The following FHOD3 variants were observed in gnomAD, a reference collection of about 807,000 sequenced individuals.
FHOD3 encodes FH1/FH2 domain-containing protein 3.
In FHOD3, 90 loss-of-function variants were observed where a neutral mutation model predicts 173.0. The observed-to-expected ratio is 0.52, with a 90% CI of 0.44 to 0.62. FHOD3 has a LOEUF of 0.62. FHOD3 is among the 20% of genes least tolerant of loss of function. FHOD3 has a pLI of 0.00. For synonymous variants in FHOD3, 828 were observed against 823.0 expected, an observed-to-expected ratio of 1.01 and a Z score of -0.10; for missense variants, 1,945 against 2,034.7, an observed-to-expected ratio of 0.96 and a Z score of 0.85.
At chr18:36,308,666 G>A (rs543558717) in intron 1 of FHOD3, among the ~76,000 whole-genome samples, 5 of 152,222 alleles carry the variant, frequency 3.3e-5, no homozygotes, top group Admixed American at 6.5e-5. Context: ...CTGTGGCTGC[G>A]TCCCTCCACC....
At chr18:36,533,763 C>T (rs1012670115) in intron 5 of FHOD3, among the ~76,000 whole-genome samples, 1 of 152,082 alleles carries the variant, frequency 6.6e-6, no homozygotes, top group African/African-American at 2.4e-5. Flanking sequence ...GGTAAGAAAA[C>T]CTGATGAAAG....
intron 10 of FHOD3, among the ~76,000 whole-genome samples, chr18:36,630,312 A>AG (rs369283031): frequency 3.3e-5 from 5 of 152,358 alleles, no homozygotes; most frequent in African/African-American, 1.2e-4. Context: ...TAAATGAGAT[A>AG]TGAATTGTCT....
intron 24 of FHOD3, among the ~76,000 whole-genome samples, chr18:36,753,770 C>A (rs977710347): frequency 6.6e-6 from 1 of 152,206 alleles, no homozygotes; most frequent in African/African-American, 2.4e-5. Context: ...TATGTGGTGT[C>A]TCCTTGTGGT....
intron 1 of FHOD3, among the ~76,000 whole-genome samples, chr18:36,353,269 C>A (rs1404569851): frequency 3.9e-5 from 6 of 152,148 alleles, no homozygotes; most frequent in Non-Finnish European, 5.9e-5. Flanking sequence ...ATAGGATTAA[C>A]CCCTTCAAAT....
At chr18:36,759,051 G>T in intron 25 of FHOD3, 67 bp from the exon 26 acceptor site, 1 of 1,503,396 alleles carries the variant, frequency 6.7e-7, no homozygotes, top group South Asian at 1.2e-5. Context: ...TCTTTTTGCT[G>T]ACTTCTGTGC....
intron 17 of FHOD3, 81 bp from the exon 18 acceptor site, chr18:36,709,014 C>G (rs1270856126): frequency 3.3e-6 from 5 of 1,514,068 alleles, no homozygotes; most frequent in Non-Finnish European, 4.5e-6. Context: ...ACAGAGAAAT[C>G]AACCTCACAT....
At chr18:36,518,484 C>T (rs538751690) in intron 5 of FHOD3, among the ~76,000 whole-genome samples, 84 of 152,262 alleles carry the variant, frequency 5.5e-4, no homozygotes, top group African/African-American at 1.9e-3. Context: ...GGAGTCCTTC[C>T]TCATTTGATG....
chr18:36,462,433 G>C (rs140726417), intron 3 of FHOD3, among the ~76,000 whole-genome samples: 1 of 151,974 alleles, frequency 6.6e-6, no homozygotes, highest in Non-Finnish European at 1.5e-5. Context: ...CTGGGTTCAC[G>C]CCATTCTTCT....
At chr18:36,704,695 T>A (rs958401220) in intron 17 of FHOD3, among the ~76,000 whole-genome samples, 9 of 152,146 alleles carry the variant, frequency 5.9e-5, no homozygotes, top group Admixed American at 5.9e-4. Flanking sequence ...TCTCCTGGCC[T>A]CAGCTTTCTG....
chr18:36,725,484 G>A (rs1218949536), intron 19 of FHOD3, among the ~76,000 whole-genome samples: 1 of 152,182 alleles, frequency 6.6e-6, no homozygotes, highest in African/African-American at 2.4e-5. Flanking sequence ...CAGGGACTGG[G>A]CTTGTTTCTC....
chr18:36,517,787 A>G (rs951624668), intron 5 of FHOD3, among the ~76,000 whole-genome samples: 49 of 152,378 alleles, frequency 3.2e-4, no homozygotes, highest in African/African-American at 1.2e-3. Flanking sequence ...GGTTGTCAGC[A>G]TTTAAAAATT....
At position 36,367,165 on chromosome 18, in the gene FHOD3, G is replaced by A. The variant is rs150114527; in HGVS notation, c.273-5515G>A. Among the ~76,000 whole-genome samples the A allele has an allele frequency of 6.6e-3, 1,005 of 152,320 alleles. 13 individuals are homozygous for A. The highest frequency in any genetic ancestry group is 0.023 in the African/African-American group (963 of 41,568). The stretch of plus-strand genomic sequence containing the variant: ...GGCCACTGATATTACTGTAACAGAA[G>A]TCTGTGTATTCTGAGAAGGCAGGAT... On this transcript the variant is annotated intron_variant, in intron 2 of 28. Transcript: ENST00000590592.
At chr18:36,518,637 A>C (rs559281154) in intron 5 of FHOD3, among the ~76,000 whole-genome samples, 7 of 152,328 alleles carry the variant, frequency 4.6e-5, no homozygotes, top group African/African-American at 1.4e-4. Context: ...ATTGTGAATT[A>C]TGAACATTTA....
At chr18:36,761,512 C>T (rs565846746) in intron 27 of FHOD3, among the ~76,000 whole-genome samples, 2 of 152,294 alleles carry the variant, frequency 1.3e-5, no homozygotes, top group African/African-American at 4.8e-5. Context: ...CCTGTCCTAT[C>T]TCCCAAGCTT....
intron 3 of FHOD3, among the ~76,000 whole-genome samples, chr18:36,422,008 A>G: frequency 6.6e-6 from 1 of 152,220 alleles, no homozygotes. Context: ...ATTAAACTCC[A>G]TATTTAATTT....
intron 15 of FHOD3, among the ~76,000 whole-genome samples, chr18:36,685,977 A>T (rs1453759621): frequency 6.6e-6 from 1 of 152,224 alleles, no homozygotes; most frequent in Non-Finnish European, 1.5e-5. Flanking sequence ...TGATCCTAGA[A>T]TAGAAACTGA....
chr18:36,514,789 A>G (rs764050845), intron 5 of FHOD3, among the ~76,000 whole-genome samples: 7 of 152,032 alleles, frequency 4.6e-5, no homozygotes, highest in South Asian at 2.1e-4. Flanking sequence ...GAGGGGCACA[A>G]CTCTGCCCGC....
At chr18:36,741,198 C>A (rs1224317214) in intron 21 of FHOD3, among the ~76,000 whole-genome samples, 3 of 152,244 alleles carry the variant, frequency 2.0e-5, no homozygotes, top group African/African-American at 7.2e-5. Flanking sequence ...TGATGATAAT[C>A]ACCTAAACTG....
chr18:36,337,506 G>A (rs954366434), intron 1 of FHOD3, among the ~76,000 whole-genome samples: 7 of 152,194 alleles, frequency 4.6e-5, no homozygotes, highest in East Asian at 1.9e-4. Flanking sequence ...AAATGGCAGC[G>A]TTTCACTTTT....
Sources: allele counts gnomAD v4.1 joint callset (sites outside exome capture counted in the v4.1 genomes callset), GRCh38; gene constraint gnomAD v4.1.1; transcripts MANE v1.5; gene names NCBI Gene and HGNC (gene_info 2026-07-23, HGNC 2026-07-21).